Variants in WDR70 observed in about 807,000 individuals in gnomAD.
WDR70 encodes the protein WD repeat-containing protein 70.
WDR70 carries 53 observed loss-of-function variants against 88.6 expected under a neutral mutation model. That is an observed-to-expected ratio of 0.60 (90% CI 0.48 to 0.75). The LOEUF is 0.75. Among genes scored for constraint, WDR70 ranks in the 30% least tolerant of loss-of-function variants. The probability of loss-of-function intolerance (pLI) is 0.00; values close to 1 mark genes in which losing one functional copy is unlikely to be tolerated. For synonymous variants in WDR70, 280 were observed against 270.0 expected (o/e 1.04, Z -0.36); for missense variants, 610 against 823.2 (o/e 0.74, Z 3.17).
chr5:37,474,192 T>C (rs1217213041), intron 7 of WDR70, among the ~76,000 whole-genome samples: 1 of 152,242 alleles, frequency 6.6e-6, no homozygotes, highest in East Asian at 1.9e-4. Context: ...AGAGAACATA[T>C]GCTATATGAT....
chr5:37,641,503 G>A (rs761972197), intron 10 of WDR70, among the ~76,000 whole-genome samples: 8 of 143,984 alleles, frequency 5.6e-5, no homozygotes, highest in South Asian at 2.2e-4. Context: ...TGCAACCTCT[G>A]CCTCATGGGT....
intron 9 of WDR70, among the ~76,000 whole-genome samples, chr5:37,550,887 TG>T (rs1438022892): frequency 1.3e-5 from 2 of 152,224 alleles, no homozygotes; most frequent in African/African-American, 4.8e-5. Context: ...GTGTATCTGT[TG>T]TATGTTTTTT....
chr5:37,391,780 A>G (rs558804237), intron 3 of WDR70, among the ~76,000 whole-genome samples: 1 of 152,354 alleles, frequency 6.6e-6, no homozygotes, highest in Non-Finnish European at 1.5e-5. Context: ...GATATATACC[A>G]GAAGTGGAAT....
At chr5:37,711,987 CTTT>C (rs70978842) in intron 13 of WDR70, among the ~76,000 whole-genome samples, 85 of 103,994 alleles carry the variant, frequency 8.2e-4, no homozygotes, top group Admixed American at 1.8e-3. Flanking sequence ...TATATTTTTT[CTTT>C]TTTTTTTTTT....
intron 3 of WDR70, among the ~76,000 whole-genome samples, chr5:37,386,105 A>C (rs1250841263): frequency 6.6e-6 from 1 of 151,676 alleles, no homozygotes; most frequent in African/African-American, 2.4e-5. Context: ...GAGCCACTGC[A>C]CCTGGCCAAA....
intron 8 of WDR70, among the ~76,000 whole-genome samples, chr5:37,489,867 C>T (rs1182015070): frequency 6.6e-6 from 1 of 151,846 alleles, no homozygotes; most frequent in East Asian, 1.9e-4. Context: ...CATATGTATA[C>T]ATGTGCCATG....
chr5:37,611,531 C>G (rs1744191620), intron 10 of WDR70, among the ~76,000 whole-genome samples: 1 of 151,674 alleles, frequency 6.6e-6, no homozygotes, highest in African/African-American at 2.4e-5. Context: ...TGTTGGTATT[C>G]AAGATTTTGG....
intron 5 of WDR70, among the ~76,000 whole-genome samples, chr5:37,427,394 TAAAAA>T (rs35744034): frequency 0.86 from 130,108 of 150,426 alleles, 59,060 homozygotes; most frequent in East Asian, 1. Context: ...ATCTCAAAAA[TAAAAA>T]ATAAAAAAAA....
intron 10 of WDR70, among the ~76,000 whole-genome samples, chr5:37,666,686 T>C (rs1745852179): frequency 6.6e-6 from 1 of 152,144 alleles, no homozygotes; most frequent in African/African-American, 2.4e-5. Flanking sequence ...AGGCTCACTT[T>C]AGTTGCAAAT....
At chr5:37,473,280 A>G (rs550400417) in intron 7 of WDR70, among the ~76,000 whole-genome samples, 1 of 150,972 alleles carries the variant, frequency 6.6e-6, no homozygotes, top group Non-Finnish European at 1.5e-5. Flanking sequence ...ACGTACACAC[A>G]CAGCAATAAT....
At chr5:37,526,070 A>G (rs1741259700) in intron 9 of WDR70, among the ~76,000 whole-genome samples, 1 of 152,228 alleles carries the variant, frequency 6.6e-6, no homozygotes, top group Non-Finnish European at 1.5e-5. Flanking sequence ...AGGAGCTGGT[A>G]CCATTCCTTC....
At chr5:37,528,269 C>T (rs546739570) in intron 9 of WDR70, among the ~76,000 whole-genome samples, 36 of 152,230 alleles carry the variant, frequency 2.4e-4, no homozygotes, top group Non-Finnish European at 4.4e-4. Context: ...GAAAATGTGG[C>T]ACATATACAC....
At chr5:37,445,739 GC>G (rs1239627932) in intron 7 of WDR70, among the ~76,000 whole-genome samples, 1 of 152,124 alleles carries the variant, frequency 6.6e-6, no homozygotes, top group Non-Finnish European at 1.5e-5. Context: ...AAATTCAACA[GC>G]CCTTCATGCT....
intron 10 of WDR70, among the ~76,000 whole-genome samples, chr5:37,649,495 C>T (rs866095570): frequency 1.3e-5 from 2 of 149,140 alleles, no homozygotes; most frequent in South Asian, 4.4e-4. Context: ...TTCCTTAATT[C>T]GGATTATCAT....
intron 9 of WDR70, among the ~76,000 whole-genome samples, chr5:37,569,981 C>T (rs1375309802): frequency 2.6e-5 from 4 of 151,962 alleles, no homozygotes; most frequent in African/African-American, 4.8e-5. Context: ...TAGTAAGAGA[C>T]GAGTTCAGAG....
chr5:37,603,540 C>T lies in WDR70; in HGVS notation c.918-1524C>T, dbSNP rs1016793214. 9.2e-5 allele frequency among the ~76,000 whole-genome samples: 14 copies of T among 152,126 alleles called. No individual in the cohort carries two copies. In the South Asian group the frequency reaches 1.0e-3, roughly 11 times the overall value. ...AACAGGAAAAAACCTTCCTGACATT[C>T]GTCTGGGCTTAGATTTTTTATATGT... On this transcript the variant is annotated intron_variant, in intron 9 of 17. Coordinates refer to ENST00000265107, the MANE Select transcript of WDR70 (RefSeq NM_018034.4).
rs80305637 is a variant in WDR70, at chr5:37,665,785, C to T, written c.1093-31870C>T. On this transcript the variant is annotated intron_variant, in intron 10 of 17. Transcript: ENST00000265107. The stretch of plus-strand genomic sequence containing the variant: ...CCTGTTCTCTGGAAAGTTGCTTTGT[C>T]GTATAGTTGGATTGTACTCCCTTTG... Among the ~76,000 whole-genome samples, 567 of 152,246 alleles carry T rather than the reference C, an allele frequency of 3.7e-3. 8 individuals are homozygous for T. Among genetic ancestry groups the T allele is most frequent in the African/African-American group, 0.013 (539 of 41,552 alleles).
intron 8 of WDR70, among the ~76,000 whole-genome samples, chr5:37,485,792 A>G (rs1739845357): frequency 1.3e-5 from 2 of 151,144 alleles, no homozygotes; most frequent in Admixed American, 6.6e-5. Context: ...CTTGGGTTCA[A>G]GCGATTCCCC....
At chr5:37,515,180 T>C (rs1740848828) in intron 8 of WDR70, among the ~76,000 whole-genome samples, 1 of 152,224 alleles carries the variant, frequency 6.6e-6, no homozygotes, top group South Asian at 2.1e-4. Flanking sequence ...AAATAGAATG[T>C]ATTTTGGATA....
Sources: gnomAD v4.1 joint callset for allele counts (sites outside exome capture counted in the v4.1 genomes callset) on GRCh38, gnomAD v4.1.1 for gene constraint, MANE v1.5 for transcripts, NCBI Gene and HGNC (gene_info 2026-07-23, HGNC 2026-07-21) for gene names.